The following CECR2 variants were observed in gnomAD, a reference collection of about 807,000 sequenced individuals.
The protein encoded by CECR2 is CECR2 histone acetyl-lysine reader.
In CECR2, 30 loss-of-function variants were observed where a neutral mutation model predicts 154.5. The observed-to-expected ratio is 0.19, with a 90% CI of 0.15 to 0.26. The LOEUF is 0.26. CECR2 is among the 10% of genes least tolerant of loss of function. The pLI, the probability that CECR2 is intolerant of heterozygous loss-of-function variation, is 1.00. For missense variants in CECR2, 1,743 were observed against 1,829.3 expected (o/e 0.95, Z 0.86); for synonymous variants, 725 against 683.7 (o/e 1.06, Z -0.94).
chr22:17,390,077 A>G (rs2063310561), intron 1 of CECR2, among the ~76,000 whole-genome samples: 1 of 152,168 alleles, frequency 6.6e-6, no homozygotes, highest in Non-Finnish European at 1.5e-5. Flanking sequence ...TAAATATATT[A>G]TTATTTTAGA....
Position 17,360,510 on chromosome 22 carries a change from C to T in CECR2, c.-364+487C>T, listed in dbSNP as rs9617996. On this transcript the variant is annotated intron_variant, in intron 1 of 18. Transcript: ENST00000400585. ...CAGCCTGACCAATATGGTGAAACCC[C>T]GTATCTACTAAAAATACAAAAATTT... Among the ~76,000 whole-genome samples, 1,288 of 152,140 alleles carry T rather than the reference C, an allele frequency of 8.5e-3. 21 individuals carry two copies. Among genetic ancestry groups the T allele is most frequent in the African/African-American group, 0.029 (1,206 of 41,512 alleles).
intron 1 of CECR2, among the ~76,000 whole-genome samples, chr22:17,385,821 G>A (rs1274008382): frequency 6.6e-6 from 1 of 152,210 alleles, no homozygotes; most frequent in Non-Finnish European, 1.5e-5. Context: ...GCCTGTATTA[G>A]AGCGGAAGGG....
chr22:17,512,383 A>T (rs1480466932), intron 8 of CECR2, among the ~76,000 whole-genome samples: 1 of 152,016 alleles, frequency 6.6e-6, no homozygotes, highest in African/African-American at 2.4e-5. Context: ...ATATAAAATG[A>T]TATAAATATA....
At chr22:17,495,598 C>T (rs914736721) in intron 2 of CECR2, among the ~76,000 whole-genome samples, 3 of 144,492 alleles carry the variant, frequency 2.1e-5, no homozygotes, top group African/African-American at 7.7e-5. Flanking sequence ...TGTGGTGGCT[C>T]ACGCCTGTAA....
intron 1 of CECR2, among the ~76,000 whole-genome samples, chr22:17,431,132 A>G (rs973862336): frequency 1.3e-5 from 2 of 152,192 alleles, no homozygotes; most frequent in African/African-American, 2.4e-5. Context: ...GTTTTTGCTA[A>G]AGCTGGGGTA....
intron 16 of CECR2, among the ~76,000 whole-genome samples, 157 bp downstream of exon 16, chr22:17,543,160 T>TCTTGC (rs1413134931): frequency 1.3e-5 from 2 of 152,148 alleles, no homozygotes; most frequent in Non-Finnish European, 2.9e-5. Context: ...TGAGACAGAG[T>TCTTGC]CTTGCTCTGT....
chr22:17,466,784 AG>A (rs1271332780), intron 1 of CECR2, among the ~76,000 whole-genome samples: 1 of 152,062 alleles, frequency 6.6e-6, no homozygotes, highest in African/African-American at 2.4e-5. Flanking sequence ...TAGTAGAGAC[AG>A]GGTTTCACAT....
chr22:17,370,539 C>T (rs1203244353), intron 1 of CECR2, among the ~76,000 whole-genome samples: 3 of 152,116 alleles, frequency 2.0e-5, no homozygotes, highest in Non-Finnish European at 2.9e-5. Context: ...CGTTATTCTT[C>T]CACAGCGTCC....
At chr22:17,385,950 G>A (rs925804243) in intron 1 of CECR2, among the ~76,000 whole-genome samples, 2 of 152,280 alleles carry the variant, frequency 1.3e-5, no homozygotes, top group Admixed American at 6.5e-5. Context: ...AGGTTGCGTC[G>A]CTTAGGATAT....
intron 2 of CECR2, 69 bp from the exon 3 acceptor site, chr22:17,497,334 T>C: frequency 1.4e-6 from 2 of 1,445,578 alleles, no homozygotes; most frequent in African/African-American, 1.4e-5. Flanking sequence ...GAGTTCTCTC[T>C]CTCTCTCCTT....
chr22:17,469,544 T>A (rs995492901), intron 1 of CECR2, among the ~76,000 whole-genome samples: 1 of 152,164 alleles, frequency 6.6e-6, no homozygotes, highest in Non-Finnish European at 1.5e-5. Context: ...TTGGGACCTC[T>A]TTCCCATGAT....
Position 17,445,411 on chromosome 22 carries a change from G to A in CECR2, c.127-32177G>A, listed in dbSNP as rs2054643817. On this transcript the variant is annotated intron_variant, in intron 1 of 18. Transcript: ENST00000262608. The stretch of plus-strand genomic sequence containing the variant: ...GTTCAAGAGCCTTGCTGTTCAAAGT[G>A]CAGTCATCTCTAAGTTTCCATGGGG... 2.6e-5 allele frequency among the ~76,000 whole-genome samples: 4 copies of A among 152,026 alleles called. No homozygotes were observed. The South Asian group carries it at 8.3e-4, about 32-fold the overall frequency.
intron 1 of CECR2, among the ~76,000 whole-genome samples, chr22:17,430,253 A>T (rs1394542062): frequency 6.6e-6 from 1 of 152,186 alleles, no homozygotes; most frequent in African/African-American, 2.4e-5. Context: ...TGAAAAATGC[A>T]CATAACCTAT....
At chr22:17,444,988 G>T (rs975564409) in intron 1 of CECR2, among the ~76,000 whole-genome samples, 1 of 152,164 alleles carries the variant, frequency 6.6e-6, no homozygotes, top group Non-Finnish European at 1.5e-5. Context: ...TCTCTTTGAA[G>T]AACTGATTTG....
Position 17,542,924 on chromosome 22 carries a change from G to A in CECR2, c.2781G>A (p.Val927=), listed in dbSNP as rs2056553568. The A allele has an allele frequency of 1.2e-6, 2 of 1,613,940 alleles. No individual in the cohort carries two copies. Among genetic ancestry groups the A allele is most frequent in the African/African-American group, 1.3e-5 (1 of 75,036 alleles). ...TAGCTCACCCAATGTCAGTCACTGTGTCAGCCCCCAAGCCTGCCCTGGGCA... is the reference window on the plus strand; with the variant it reads ...TAGCTCACCCAATGTCAGTCACTGTATCAGCCCCCAAGCCTGCCCTGGGCA... ...PQVAHPMSVT[V]SAPKPALGNP... The change falls in exon 16 of 19, where the codon GTG becomes GTA. Residue 927 remains valine (V), a synonymous_variant. Transcript: ENST00000262608.
intron 1 of CECR2, among the ~76,000 whole-genome samples, chr22:17,382,369 G>T (rs1408658376): frequency 6.6e-6 from 1 of 152,106 alleles, no homozygotes; most frequent in Non-Finnish European, 1.5e-5. Flanking sequence ...GGTTAAATCT[G>T]GTTTTGGTAG....
chr22:17,389,890 A>G (rs1307976723), intron 1 of CECR2, among the ~76,000 whole-genome samples: 1 of 152,058 alleles, frequency 6.6e-6, no homozygotes, highest in Non-Finnish European at 1.5e-5. Flanking sequence ...GGCGTCCCAA[A>G]ATGCTGGGAT....
At chr22:17,521,590 GTTGT>G (rs1178433295) in intron 8 of CECR2, among the ~76,000 whole-genome samples, 3 of 151,726 alleles carry the variant, frequency 2.0e-5, no homozygotes, top group African/African-American at 7.3e-5. Context: ...TTTTCATGGG[GTTGT>G]TTGATTTTTT....
chr22:17,443,857 C>T (rs778577947), intron 1 of CECR2, among the ~76,000 whole-genome samples: 8 of 151,964 alleles, frequency 5.3e-5, no homozygotes, highest in African/African-American at 1.2e-4. Context: ...GATAGAGGCA[C>T]GGAGATTCAG....
Sources: allele counts gnomAD v4.1 joint callset (sites outside exome capture counted in the v4.1 genomes callset), GRCh38; gene constraint gnomAD v4.1.1; transcripts MANE v1.5; gene names NCBI Gene and HGNC (gene_info 2026-07-23, HGNC 2026-07-21).